Variants in ILRUN observed in about 807,000 individuals in gnomAD.
ILRUN encodes the protein inflammation and lipid regulator with UBA-like and NBR1-like domains, also known as protein ILRUN.
Under a neutral mutation model 33.8 loss-of-function variants are expected in ILRUN, and 3 were observed. The ratio of observed to expected loss-of-function variants is 0.09; its 90% CI spans 0.04 to 0.23. The LOEUF (loss-of-function observed/expected upper bound fraction) is 0.23, where lower values mean the gene tolerates loss of function less well. ILRUN is among the 10% of genes least tolerant of loss of function. The pLI, the probability that ILRUN is intolerant of heterozygous loss-of-function variation, is 1.00. For synonymous variants in ILRUN, 124 were observed against 138.9 expected (o/e 0.89, Z 0.75); for missense variants, 210 against 375.1 (o/e 0.56, Z 3.64).
chr6:34,592,054 C>T lies in ILRUN; in HGVS notation c.862-1454G>A, dbSNP rs1251027765. Among the ~76,000 whole-genome samples, 1 of 152,178 alleles carries T rather than the reference C, an allele frequency of 6.6e-6. No individual in the cohort carries two copies. The highest frequency in any genetic ancestry group is 2.4e-5 in the African/African-American group (1 of 41,444). On this transcript the variant is annotated intron_variant, in intron 4 of 4. Coordinates refer to ENST00000374023, the MANE Select transcript of ILRUN (RefSeq NM_024294.4). The surrounding 1 kb of genome is among the most constrained non-coding windows in gnomAD (Gnocchi z 4.0). ...CTACACAAACCACGAACACGCTGGA[C>T]CATGACGTGTGCTTCCTCCCCAATC... is the stretch of plus-strand genomic sequence containing the variant.
chr6:34,631,916 CATAATAG>C (rs1274771224), intron 3 of ILRUN, among the ~76,000 whole-genome samples: 2 of 151,466 alleles, frequency 1.3e-5, no homozygotes, highest in African/African-American at 4.9e-5. Context: ...AAAAAAAATC[CATAATAG>C]TTTATAGTTT....
rs548511814 is a variant in ILRUN, at chr6:34,658,823, G to A, written c.159-4044C>T. On this transcript the variant is annotated intron_variant, in intron 1 of 4. Transcript: ENST00000374023. ...ACTCCATCTCAAGAAAAAAAAGACT[G>A]TGATCTTTAGAGTCAGCTCCAACTC... 3.3e-5 allele frequency among the ~76,000 whole-genome samples: 5 copies of A among 152,208 alleles called. No homozygotes were observed. In the East Asian group the frequency reaches 7.7e-4, roughly 24 times the overall value.
intron 3 of ILRUN, among the ~76,000 whole-genome samples, chr6:34,620,742 C>T (rs1761996646): frequency 6.6e-6 from 1 of 152,156 alleles, no homozygotes; most frequent in Non-Finnish European, 1.5e-5. Flanking sequence ...GGTGGGAGGA[C>T]TACTTGAGCC....
chr6:34,593,332 A>G lies in ILRUN; in HGVS notation c.862-2732T>C, dbSNP rs186890010. On this transcript the variant is annotated intron_variant, in intron 4 of 4. Coordinates refer to ENST00000374023, the MANE Select transcript of ILRUN (RefSeq NM_024294.4). Reference sequence around the variant, plus strand: ...TGCTTTCCAGTCCAAAGCTCTACACACTTCATGTGGGCCTTTATAAAGCAA... The same window carrying G: ...TGCTTTCCAGTCCAAAGCTCTACACGCTTCATGTGGGCCTTTATAAAGCAA... Among the ~76,000 whole-genome samples the G allele has an allele frequency of 3.9e-5, 6 of 152,322 alleles. No homozygotes were observed. In the East Asian group the frequency reaches 7.7e-4, roughly 20 times the overall value.
chr6:34,666,350 G>A (rs1042395522), intron 1 of ILRUN, among the ~76,000 whole-genome samples: 1 of 152,058 alleles, frequency 6.6e-6, no homozygotes, highest in Non-Finnish European at 1.5e-5. Flanking sequence ...ACCTGAGGTC[G>A]GGAGTTCGAG....
rs906932328 is a variant in ILRUN at position 34,601,711 on chromosome 6, C to G, written c.861+4844G>C. Among the ~76,000 whole-genome samples the G allele has an allele frequency of 4.7e-5, 7 of 148,170 alleles. No homozygotes were observed. In the South Asian group the frequency reaches 8.3e-4, roughly 18 times the overall value. Reference sequence around the variant, plus strand: ...CAAACCTCCTCCAGTACCCGCCCCCCCAACTACTGTTTCTAAACCCTCACC... The same window carrying G: ...CAAACCTCCTCCAGTACCCGCCCCCGCAACTACTGTTTCTAAACCCTCACC... On this transcript the variant is annotated intron_variant, in intron 4 of 4. Coordinates refer to ENST00000374023, the MANE Select transcript of ILRUN (RefSeq NM_024294.4).
intron 3 of ILRUN, among the ~76,000 whole-genome samples, chr6:34,639,263 C>T (rs556497652): frequency 2.6e-5 from 4 of 152,270 alleles, no homozygotes; most frequent in African/African-American, 9.6e-5. Flanking sequence ...TGTCAAATGT[C>T]CCTAGGGACC....
In ILRUN at chr6:34,588,047, C is replaced by T; in HGVS notation, c.*2518G>A. On this transcript the variant is annotated 3_prime_UTR_variant, in exon 5 of 5. Transcript: ENST00000374023. ...ACTAGGCAGGGGAGCAGAGAGGGGCCCTAGGCATTGCTCTGAACCCATACC... is the reference window on the plus strand; with the variant it reads ...ACTAGGCAGGGGAGCAGAGAGGGGCTCTAGGCATTGCTCTGAACCCATACC... 3 of 398,736 alleles carry T rather than the reference C, an allele frequency of 7.5e-6. No individual in the cohort carries two copies. The highest frequency in any genetic ancestry group is 1.3e-5 in the Non-Finnish European group (3 of 226,184). The allele number at this position is 398,736 out of a possible 1,614,324, so 24.7% of individuals were successfully genotyped here.
Position 34,587,942 on chromosome 6 carries a change from C to G in ILRUN, c.*2623G>C, listed in dbSNP as rs1307648923. 2.5e-6 allele frequency: 1 copy of G among 397,300 alleles called. No individual in the cohort carries two copies. Among genetic ancestry groups the G allele is most frequent in the East Asian group, 3.6e-5 (1 of 28,056 alleles). 24.6% of individuals were successfully genotyped at this position (397,300 alleles called of 1,614,324 possible). A position where few individuals can be genotyped will look rare whatever the true frequency, so the allele number is the denominator to read the frequency against. On this transcript the variant is annotated 3_prime_UTR_variant, in exon 5 of 5. Transcript: ENST00000374023. ...TGGGTGCCAGACGCAGGTGGTCCTG[C>G]CCAGAGGTGGCCTGCCACTTGGTGA...
rs1338663326 is a variant in ILRUN, at chr6:34,587,464, A to C, written c.*3101T>G. On this transcript the variant is annotated 3_prime_UTR_variant, in exon 5 of 5. Coordinates refer to ENST00000374023, the MANE Select transcript of ILRUN (RefSeq NM_024294.4). ...GGCAGCCACTGCTGCTCCTGCATTC[A>C]CCCAAGGAAACAAAGGAAAGGTGCG... 6.6e-6 allele frequency: 1 copy of C among 152,608 alleles called. No homozygotes were observed. Among genetic ancestry groups the C allele is most frequent in the Non-Finnish European group, 1.5e-5 (1 of 68,052 alleles). 9.5% of individuals were successfully genotyped at this position (152,608 alleles called of 1,614,324 possible). A position where few individuals can be genotyped will look rare whatever the true frequency, so the allele number is the denominator to read the frequency against.
intron 3 of ILRUN, among the ~76,000 whole-genome samples, chr6:34,636,313 G>A (rs1370172447): frequency 3.3e-5 from 5 of 151,862 alleles, no homozygotes; most frequent in African/African-American, 9.7e-5. Context: ...ATTCTTTCTC[G>A]GGGCTGAATG....
intron 3 of ILRUN, among the ~76,000 whole-genome samples, chr6:34,611,169 A>T (rs1582042436): frequency 6.9e-6 from 1 of 144,776 alleles, no homozygotes; most frequent in East Asian, 2.0e-4. Flanking sequence ...AGGTTGGCAA[A>T]CTCCTGGGCT....
intron 1 of ILRUN, among the ~76,000 whole-genome samples, chr6:34,663,585 C>G (rs983590553): frequency 1.3e-5 from 2 of 152,154 alleles, no homozygotes; most frequent in Non-Finnish European, 2.9e-5. Context: ...TCCAAGCAAT[C>G]CTCCTGCCTT....
At chr6:34,627,864 C>A (rs1489741881) in intron 3 of ILRUN, among the ~76,000 whole-genome samples, 1 of 151,892 alleles carries the variant, frequency 6.6e-6, no homozygotes, top group Admixed American at 6.6e-5. Context: ...CCACCATACC[C>A]GGCTAATTTT....
chr6:34,633,370 G>C (rs1762286247), intron 3 of ILRUN, among the ~76,000 whole-genome samples: 1 of 152,118 alleles, frequency 6.6e-6, no homozygotes, highest in Admixed American at 6.6e-5. Context: ...GTAACAGATA[G>C]AACTAGTAAA....
intron 1 of ILRUN, among the ~76,000 whole-genome samples, chr6:34,656,815 A>G (rs938015690): frequency 1.3e-5 from 2 of 152,246 alleles, no homozygotes; most frequent in African/African-American, 4.8e-5. Flanking sequence ...CTGTCATATT[A>G]GTCAGTAATG....
chr6:34,613,587 T>C (rs1761805157), intron 3 of ILRUN, among the ~76,000 whole-genome samples: 1 of 152,228 alleles, frequency 6.6e-6, no homozygotes, highest in Non-Finnish European at 1.5e-5. Flanking sequence ...TAAACGGATG[T>C]TATATAGTGG....
intron 1 of ILRUN, among the ~76,000 whole-genome samples, chr6:34,690,391 G>C (rs1339221768): frequency 6.6e-6 from 1 of 152,090 alleles, no homozygotes; most frequent in Non-Finnish European, 1.5e-5. Flanking sequence ...AACCCAGGAG[G>C]CAGAGGTTGC....
chr6:34,605,199 C>T (rs896206462), intron 4 of ILRUN, among the ~76,000 whole-genome samples: 1 of 150,744 alleles, frequency 6.6e-6, no homozygotes, highest in African/African-American at 2.4e-5. Flanking sequence ...CCAGCTACTC[C>T]GGAGGCTGAG....
Sources: allele counts gnomAD v4.1 joint callset (sites outside exome capture counted in the v4.1 genomes callset), GRCh38; gene constraint gnomAD v4.1.1; non-coding constraint Gnocchi (gnomAD v3.1); transcripts MANE v1.5; gene names NCBI Gene and HGNC (gene_info 2026-07-23, HGNC 2026-07-21).